The following GCC2 variants were observed in gnomAD, a reference collection of about 807,000 sequenced individuals.
GCC2 encodes GRIP and coiled-coil domain-containing protein 2.
In GCC2, 120 loss-of-function variants were observed where a neutral mutation model predicts 210.6. The ratio of observed to expected loss-of-function variants is 0.57; its 90% CI spans 0.49 to 0.66. The LOEUF (loss-of-function observed/expected upper bound fraction) is 0.66. Among genes scored for constraint, GCC2 ranks in the 30% least tolerant of loss-of-function variants. The probability of loss-of-function intolerance (pLI) is 0.00; values close to 1 mark genes in which losing one functional copy is unlikely to be tolerated. For synonymous variants in GCC2, 703 were observed against 652.7 expected, an observed-to-expected ratio of 1.08 and a Z score of -1.17; for missense variants, 1,868 against 1,871.9, an observed-to-expected ratio of 1.00 and a Z score of 0.04.
At position 108,470,561 on chromosome 2, in the gene GCC2, T is replaced by C. The variant is rs1404677344; in HGVS notation, c.1232T>C (p.Leu411Ser). The C allele has an allele frequency of 6.2e-7, 1 of 1,607,880 alleles. No homozygotes were observed. The highest frequency in any genetic ancestry group is 8.5e-7 in the Non-Finnish European group (1 of 1,177,732). ...IEKLKSELAGLNKQFCYTVEQ... is the reference protein window; with the variant it reads ...IEKLKSELAGSNKQFCYTVEQ... ...AAATTAAAATCTGAGCTAGCAGGTT[T>C]AAATAAACAGTTTTGCTATACTGTA... The change falls in exon 6 of 23, where the codon TTA becomes TCA. Residue 411 changes from leucine (L) to serine (S), a missense_variant. Transcript: ENST00000309863.
rs567509759 is a variant in GCC2, at chr2:108,472,059, G to A, written c.2730G>A (p.Lys910=). Residue 910 remains lysine (K), a synonymous_variant, in exon 6 of 23, where the codon AAG becomes AAA. Transcript: ENST00000309863. The part of the protein sequence containing the change: ...KCFIKEHENL[K]PLLEQKELRD... ...TTATAAAGGAACATGAAAACCTAAAGCCACTACTAGAACAAAAAGAATTAC... is the reference window on the plus strand; with the variant it reads ...TTATAAAGGAACATGAAAACCTAAAACCACTACTAGAACAAAAAGAATTAC... 1 of 1,581,286 alleles carries A rather than the reference G, an allele frequency of 6.3e-7. No homozygotes were observed. The highest frequency in any genetic ancestry group is 1.4e-5 in the African/African-American group (1 of 72,822).
intron 4 of GCC2, among the ~76,000 whole-genome samples, chr2:108,459,816 G>A (rs1243365415): frequency 2.8e-5 from 3 of 106,820 alleles, no homozygotes; most frequent in Non-Finnish European, 5.3e-5. Flanking sequence ...TCTAAGTATA[G>A]CTACTCAGGA....
chr2:108,503,204 G>A (rs1189584947), intron 22 of GCC2, among the ~76,000 whole-genome samples: 2 of 151,488 alleles, frequency 1.3e-5, no homozygotes, highest in African/African-American at 4.8e-5. Flanking sequence ...AGTCACATAA[G>A]AGTAAAACTG....
intron 5 of GCC2, 40 bp from the exon 6 acceptor site, chr2:108,469,611 C>A: frequency 6.9e-7 from 1 of 1,441,262 alleles, no homozygotes; most frequent in Non-Finnish European, 9.4e-7. Flanking sequence ...CTCCTTTTGT[C>A]TTACTTAAAT....
At chr2:108,479,872 C>A (rs1681747625) in intron 9 of GCC2, among the ~76,000 whole-genome samples, 1 of 151,548 alleles carries the variant, frequency 6.6e-6, no homozygotes, top group Non-Finnish European at 1.5e-5. Flanking sequence ...ATCCCAACTA[C>A]CCCAGAGGCT....
intron 22 of GCC2, among the ~76,000 whole-genome samples, chr2:108,503,734 G>A (rs1393167583): frequency 6.6e-6 from 1 of 152,164 alleles, no homozygotes; most frequent in Non-Finnish European, 1.5e-5. Context: ...GTTTATAACA[G>A]TATTTTTCAT....
At position 108,481,720 on chromosome 2, in the gene GCC2, G is replaced by A. The variant is rs1681860307; in HGVS notation, c.3084G>A (p.Lys1028=). The A allele has an allele frequency of 1.3e-6, 2 of 1,598,194 alleles. No individual in the cohort carries two copies. The highest frequency in any genetic ancestry group is 1.7e-6 in the Non-Finnish European group (2 of 1,171,794). ...SYKNLLLEYE[K]QSEQLDVEKE... ...AGAATCTTTTATTAGAATATGAAAA[G>A]CAGTCAGAGCAACTGGATGTGGAAA... is the stretch of plus-strand genomic sequence containing the variant. Residue 1028 remains lysine, a synonymous_variant, in exon 10 of 23, where the codon AAG becomes AAA. Coordinates refer to ENST00000309863, the MANE Select transcript of GCC2 (RefSeq NM_181453.4).
At chr2:108,473,476 G>T (rs1681347176) in intron 7 of GCC2, 1 of 152,310 alleles carries the variant, frequency 6.6e-6, no homozygotes, top group Non-Finnish European at 1.5e-5. Flanking sequence ...TCCTGGAGAG[G>T]TAGGAGCCTG....
Position 108,471,873 on chromosome 2 carries a change from A to G in GCC2, c.2544A>G (p.Glu848=). 6.2e-7 allele frequency: 1 copy of G among 1,610,866 alleles called. No homozygotes were observed. The highest frequency in any genetic ancestry group is 8.5e-7 in the Non-Finnish European group (1 of 1,179,066). Residue 848 remains glutamate, a synonymous_variant, in exon 6 of 23, where the codon GAA becomes GAG. Transcript: ENST00000309863. ...QEKVLLRKEL[E]EIQSEKEALQ... ...AAGTTCTCTTAAGGAAAGAGTTAGA[A>G]GAAATACAGTCAGAAAAAGAGGCCC...
At chr2:108,500,832 C>A (rs1682887634) in intron 22 of GCC2, among the ~76,000 whole-genome samples, 1 of 152,132 alleles carries the variant, frequency 6.6e-6, no homozygotes. Flanking sequence ...TCCCACACAT[C>A]ATTTCTTTCC....
At chr2:108,472,735 T>G (rs1168104420) in intron 6 of GCC2, 92 bp from the exon 7 acceptor site, 2 of 745,618 alleles carry the variant, frequency 2.7e-6, no homozygotes, top group African/African-American at 3.6e-5. Flanking sequence ...GATTTTCTTA[T>G]GCTTAACATG....
chr2:108,456,155 T>C (rs1231628502), intron 4 of GCC2, among the ~76,000 whole-genome samples: 1 of 152,142 alleles, frequency 6.6e-6, no homozygotes, highest in Non-Finnish European at 1.5e-5. Context: ...TGGCTAATTT[T>C]TTGTATTTTT....
intron 4 of GCC2, among the ~76,000 whole-genome samples, chr2:108,454,281 C>T (rs531942019): frequency 5.2e-4 from 79 of 152,350 alleles, no homozygotes; most frequent in Non-Finnish European, 9.3e-4. Flanking sequence ...TGAGCCACTG[C>T]GCCCAGCCTG....
intron 19 of GCC2, chr2:108,493,938 A>C (rs1350020970): frequency 1.2e-4 from 123 of 985,036 alleles, no homozygotes; most frequent in Non-Finnish European, 1.4e-4. Context: ...ATGCAAAATA[A>C]ATGAAATCTG....
chr2:108,481,774 T>C lies in GCC2; in HGVS notation c.3138T>C (p.Arg1046=). The change falls in exon 10 of 23, where the codon CGT becomes CGC. Residue 1046 remains arginine (R), a synonymous_variant. Transcript: ENST00000309863. ...EKERANNFEH[R]IEDLTRQLRN... is the part of the protein sequence containing the mutation. Reference sequence around the variant, plus strand: ...AACGTGCTAATAATTTTGAGCATCGTATTGAAGACCTTACAAGACAATTAA... The same window carrying C: ...AACGTGCTAATAATTTTGAGCATCGCATTGAAGACCTTACAAGACAATTAA... The C allele has an allele frequency of 6.2e-7, 1 of 1,602,616 alleles. No individual in the cohort carries two copies. Among genetic ancestry groups the C allele is most frequent in the Non-Finnish European group, 8.5e-7 (1 of 1,173,978 alleles).
At chr2:108,460,946 CCTT>C (rs1680538507) in intron 4 of GCC2, among the ~76,000 whole-genome samples, 1 of 152,168 alleles carries the variant, frequency 6.6e-6, no homozygotes, top group Non-Finnish European at 1.5e-5. Flanking sequence ...AGATGTGCCT[CCTT>C]CTCCTTCCTC....
At chr2:108,490,772 A>G (rs980347428) in intron 18 of GCC2, among the ~76,000 whole-genome samples, 12 of 152,214 alleles carry the variant, frequency 7.9e-5, no homozygotes, top group Admixed American at 5.2e-4. Context: ...AGGGTTTACC[A>G]TGAGATTATC....
chr2:108,466,137 G>T (rs908621948), intron 4 of GCC2, among the ~76,000 whole-genome samples: 62 of 152,140 alleles, frequency 4.1e-4, no homozygotes, highest in African/African-American at 1.4e-3. Context: ...ATTATTTGGG[G>T]TTTTTTATTG....
At chr2:108,468,267 T>G (rs1314862091) in intron 4 of GCC2, among the ~76,000 whole-genome samples, 1 of 152,076 alleles carries the variant, frequency 6.6e-6, no homozygotes, top group Non-Finnish European at 1.5e-5. Context: ...AGTTTCACCA[T>G]GTTGCCCAGG....
Sources: gnomAD v4.1 joint callset for allele counts (sites outside exome capture counted in the v4.1 genomes callset) on GRCh38, gnomAD v4.1.1 for gene constraint, MANE v1.5 for transcripts, NCBI Gene and HGNC (gene_info 2026-07-23, HGNC 2026-07-21) for gene names.